The following GALNT18 variants were observed in gnomAD, a reference collection of about 807,000 sequenced individuals.
The protein encoded by GALNT18 is polypeptide N-acetylgalactosaminyltransferase 18.
Under a neutral mutation model 69.5 loss-of-function variants are expected in GALNT18, and 44 were observed. The observed-to-expected ratio is 0.63, with a 90% CI of 0.50 to 0.81. The LOEUF (loss-of-function observed/expected upper bound fraction) is 0.81, where lower values mean the gene tolerates loss of function less well. Among genes scored for constraint, GALNT18 ranks in the 40% least tolerant of loss-of-function variants. GALNT18 has a pLI of 0.00. For synonymous variants in GALNT18, 364 were observed against 318.2 expected (o/e 1.14, Z -1.53); for missense variants, 715 against 810.0 (o/e 0.88, Z 1.42).
chr11:11,567,843 A>G (rs945808572), intron 1 of GALNT18, among the ~76,000 whole-genome samples: 3 of 152,210 alleles, frequency 2.0e-5, no homozygotes, highest in African/African-American at 7.2e-5. Flanking sequence ...CATCCTATAT[A>G]CCTAGGGAGA....
At chr11:11,475,292 A>G (rs1239905881) in intron 1 of GALNT18, 1 of 152,244 alleles carries the variant, frequency 6.6e-6, no homozygotes, top group Non-Finnish European at 1.5e-5. Context: ...GCTGATAATT[A>G]TCATATTTCT....
Position 11,448,960 on chromosome 11 carries a change from C to T in GALNT18, c.236-24G>A, listed in dbSNP as rs116307940. On this transcript the variant is annotated intron_variant, in intron 1 of 10. Coordinates refer to ENST00000227756, the MANE Select transcript of GALNT18 (RefSeq NM_198516.3). The stretch of plus-strand genomic sequence containing the variant: ...CTCTGGAGAAAGAAGGAACAGGAGA[C>T]AGTGGGTCAGAGTGCACCCCTGCAT... 873 of 1,544,686 alleles carry T rather than the reference C, an allele frequency of 5.7e-4. 4 individuals are homozygous for T. The African/African-American group carries it at 0.011, about 19-fold the overall frequency.
chr11:11,288,727 T>G (rs1222172947), intron 10 of GALNT18, among the ~76,000 whole-genome samples: 1 of 152,228 alleles, frequency 6.6e-6, no homozygotes, highest in Non-Finnish European at 1.5e-5. Flanking sequence ...TCTAACGCTG[T>G]CCTGGTTCAG....
At chr11:11,477,435 A>G (rs2133863490) in intron 1 of GALNT18, among the ~76,000 whole-genome samples, 2 of 152,304 alleles carry the variant, frequency 1.3e-5, no homozygotes, top group Middle Eastern at 3.4e-3. Flanking sequence ...GTCATCTTAA[A>G]TATCTGCCTG....
In GALNT18 at chr11:11,540,757, A is replaced by G. The variant is rs1857897858; in HGVS notation, c.235+80602T>C. 6.6e-6 allele frequency among the ~76,000 whole-genome samples: 1 copy of G among 152,192 alleles called. No homozygotes were observed. The highest frequency in any genetic ancestry group is 2.4e-5 in the African/African-American group (1 of 41,446). On this transcript the variant is annotated intron_variant, in intron 1 of 10. Transcript: ENST00000227756. This position sits in a 1 kb window ranked among gnomAD's most constrained non-coding sequence, Gnocchi z 4.6. Reference sequence around the variant, plus strand: ...CATCCCTGTATGACTCTCTGATCACAGCAATACGTTAGACTCAGTGGAAAT... The same window carrying G: ...CATCCCTGTATGACTCTCTGATCACGGCAATACGTTAGACTCAGTGGAAAT...
Position 11,603,006 on chromosome 11 carries a change from C to G in GALNT18, c.235+18353G>C, listed in dbSNP as rs1350632944. On this transcript the variant is annotated intron_variant, in intron 1 of 10. Coordinates refer to ENST00000227756, the MANE Select transcript of GALNT18 (RefSeq NM_198516.3). This position sits in a 1 kb window ranked among gnomAD's most constrained non-coding sequence, Gnocchi z 4.5. ...TTTAAAATTGGGTTGTCCCATATAACCTGAGAATATTAAATTGCTAAAAAC... is the reference window on the plus strand; with the variant it reads ...TTTAAAATTGGGTTGTCCCATATAAGCTGAGAATATTAAATTGCTAAAAAC... Among the ~76,000 whole-genome samples the G allele has an allele frequency of 6.6e-6, 1 of 152,060 alleles. No individual in the cohort carries two copies. The highest frequency in any genetic ancestry group is 1.5e-5 in the Non-Finnish European group (1 of 68,032).
intron 3 of GALNT18, among the ~76,000 whole-genome samples, chr11:11,406,195 C>T (rs1368340233): frequency 6.6e-6 from 1 of 152,202 alleles, no homozygotes; most frequent in Non-Finnish European, 1.5e-5. Flanking sequence ...GCCATATTTT[C>T]CAAGCACCTA....
intron 10 of GALNT18, among the ~76,000 whole-genome samples, chr11:11,278,322 C>T (rs1325987907): frequency 1.4e-5 from 2 of 145,774 alleles, no homozygotes; most frequent in Non-Finnish European, 1.5e-5. Flanking sequence ...AACGAGAACA[C>T]ATGGACACGG....
In GALNT18 at chr11:11,315,927, C is replaced by T. The variant is rs374089717; in HGVS notation, c.1512+11159G>A. On this transcript the variant is annotated intron_variant, in intron 9 of 10. Transcript: ENST00000227756. This position sits in a 1 kb window ranked among gnomAD's most constrained non-coding sequence, Gnocchi z 5.6. ...ACAAACAGAAGCTGAGGGTGGCTGC[C>T]GAGAGTGAGCCTCACAGGGCCAGTC... Among the ~76,000 whole-genome samples the T allele has an allele frequency of 4.6e-5, 7 of 151,914 alleles. No homozygotes were observed. Among genetic ancestry groups the T allele is most frequent in the Non-Finnish European group, 8.8e-5 (6 of 67,998 alleles).
chr11:11,514,640 A>T (rs1318127751), intron 1 of GALNT18, among the ~76,000 whole-genome samples: 2 of 152,234 alleles, frequency 1.3e-5, no homozygotes, highest in African/African-American at 4.8e-5. Flanking sequence ...GGAAACCATC[A>T]GTAGTTCAAA....
chr11:11,607,008 A>G (rs1859773170), intron 1 of GALNT18, among the ~76,000 whole-genome samples: 1 of 152,234 alleles, frequency 6.6e-6, no homozygotes, highest in South Asian at 2.1e-4. Context: ...GAGAACTGCA[A>G]AAGTAGGAAG....
rs1172865780 is a variant in GALNT18 at position 11,600,337 on chromosome 11, GTT to G, written c.235+21020_235+21021del. Among the ~76,000 whole-genome samples the G allele has an allele frequency of 6.6e-6, 1 of 151,952 alleles. No individual in the cohort carries two copies. Among genetic ancestry groups the G allele is most frequent in the African/African-American group, 2.4e-5 (1 of 41,412 alleles). ...GATGGACCTGATAACAACAAATTCT[GTT>G]TTTGTTTTTCTGGTAATGACTTTAT... On this transcript the variant is annotated intron_variant, in intron 1 of 10. Transcript: ENST00000227756. The surrounding 1 kb of genome is among the most constrained non-coding windows in gnomAD (Gnocchi z 4.8).
In GALNT18 at chr11:11,463,657, T is replaced by C. The variant is rs531032457; in HGVS notation, c.236-14721A>G. Among the ~76,000 whole-genome samples, 1 of 152,298 alleles carries C rather than the reference T, an allele frequency of 6.6e-6. No homozygotes were observed. Among genetic ancestry groups the C allele is most frequent in the East Asian group, 1.9e-4 (1 of 5,174 alleles). ...TGTATTTCATCAGGGAGAAGTGGAT[T>C]TGTCCTTCGAAAAAACTGAACAAAC... On this transcript the variant is annotated intron_variant, in intron 1 of 10. Coordinates refer to ENST00000227756, the MANE Select transcript of GALNT18 (RefSeq NM_198516.3). The surrounding 1 kb of genome is among the most constrained non-coding windows in gnomAD (Gnocchi z 4.2).
rs112143083 is a variant in GALNT18, at chr11:11,496,024, C to G, written c.236-47088G>C. ...CCTAAAACATATGTGCTATCAGCATCCCTGTTACATGACTAAAGCAACTGA... is the reference window on the plus strand; with the variant it reads ...CCTAAAACATATGTGCTATCAGCATGCCTGTTACATGACTAAAGCAACTGA... On this transcript the variant is annotated intron_variant, in intron 1 of 10. Coordinates refer to ENST00000227756, the MANE Select transcript of GALNT18 (RefSeq NM_198516.3). This position sits in a 1 kb window ranked among gnomAD's most constrained non-coding sequence, Gnocchi z 4.0. Among the ~76,000 whole-genome samples, 9 of 152,332 alleles carry G rather than the reference C, an allele frequency of 5.9e-5. No homozygotes were observed. Among genetic ancestry groups the G allele is most frequent in the African/African-American group, 1.9e-4 (8 of 41,560 alleles).
At chr11:11,391,918 C>T (rs751946205) in intron 3 of GALNT18, among the ~76,000 whole-genome samples, 19 of 152,230 alleles carry the variant, frequency 1.2e-4, no homozygotes, top group Non-Finnish European at 2.4e-4. Flanking sequence ...TCTGCTACGC[C>T]GAGCCTGGCA....
intron 9 of GALNT18, among the ~76,000 whole-genome samples, chr11:11,301,011 C>T (rs1185434182): frequency 6.6e-6 from 1 of 152,142 alleles, no homozygotes; most frequent in African/African-American, 2.4e-5. Context: ...CTTGCCCCCA[C>T]AATGAGAAGG....
At chr11:11,559,748 T>C (rs1858425844) in intron 1 of GALNT18, among the ~76,000 whole-genome samples, 1 of 150,922 alleles carries the variant, frequency 6.6e-6, no homozygotes, top group African/African-American at 2.4e-5. Context: ...TATGATGGGA[T>C]GGGATGGGAT....
In GALNT18 at chr11:11,454,877, G is replaced by A. The variant is rs541099417; in HGVS notation, c.236-5941C>T. Among the ~76,000 whole-genome samples, 17 of 152,290 alleles carry A rather than the reference G, an allele frequency of 1.1e-4. 1 individual carries two copies. In the South Asian group the frequency reaches 3.5e-3, roughly 32 times the overall value. On this transcript the variant is annotated intron_variant, in intron 1 of 10. Coordinates refer to ENST00000227756, the MANE Select transcript of GALNT18 (RefSeq NM_198516.3). This position sits in a 1 kb window ranked among gnomAD's most constrained non-coding sequence, Gnocchi z 4.2. ...CCTGAGGGGAGGATTCCCTCCAGAG[G>A]ACACTAATCACTCCACCCTTGAAGA...
chr11:11,432,827 T>G lies in GALNT18; in HGVS notation c.429-40A>C, dbSNP rs745463688. The G allele has an allele frequency of 3.1e-6, 5 of 1,593,760 alleles. No homozygotes were observed. The highest frequency in any genetic ancestry group is 3.4e-5 in the Admixed American group (2 of 59,358). On this transcript the variant is annotated intron_variant, in intron 2 of 10. Transcript: ENST00000227756. This position sits in a 1 kb window ranked among gnomAD's most constrained non-coding sequence, Gnocchi z 5.8. ...CAAGCGCTTAGATTTGTGACTCAGC[T>G]GGAGTCATCTCAGGAGCTGACCCAG...
Sources: allele counts gnomAD v4.1 joint callset (sites outside exome capture counted in the v4.1 genomes callset), GRCh38; gene constraint gnomAD v4.1.1; non-coding constraint Gnocchi (gnomAD v3.1); transcripts MANE v1.5; gene names NCBI Gene and HGNC (gene_info 2026-07-23, HGNC 2026-07-21).